The following ITIH5 variants were observed in gnomAD, a reference collection of about 807,000 sequenced individuals.
ITIH5 encodes inter-alpha-trypsin inhibitor heavy chain 5.
In ITIH5, 65 loss-of-function variants were observed where a neutral mutation model predicts 77.5. The ratio of observed to expected loss-of-function variants is 0.84; its 90% confidence interval spans 0.69 to 1.03. ITIH5 has a LOEUF of 1.03. ITIH5 is among the 50% of genes least tolerant of loss of function. The pLI is 0.00. For missense variants in ITIH5, 1,208 were observed against 1,213.1 expected (o/e 1.00, Z 0.06); for synonymous variants, 525 against 494.3 (o/e 1.06, Z -0.82).
At chr10:7,604,700 T>C (rs1194618430) in intron 7 of ITIH5, among the ~76,000 whole-genome samples, 1 of 152,208 alleles carries the variant, frequency 6.6e-6, no homozygotes, top group Non-Finnish European at 1.5e-5. Context: ...CCAAGAAAAT[T>C]GTATCCCATC....
intron 7 of ITIH5, among the ~76,000 whole-genome samples, chr10:7,591,226 T>G (rs957107383): frequency 6.6e-6 from 1 of 152,118 alleles, no homozygotes; most frequent in Non-Finnish European, 1.5e-5. Flanking sequence ...AAATCCTCAT[T>G]AAAATAAATG....
chr10:7,563,795 A>C (rs1197343580), intron 13 of ITIH5, among the ~76,000 whole-genome samples: 1 of 152,230 alleles, frequency 6.6e-6, no homozygotes, highest in Non-Finnish European at 1.5e-5. Flanking sequence ...GGTGGAAAGC[A>C]GTCAGCTCAG....
chr10:7,586,169 G>T, intron 7 of ITIH5, 100 bp from the exon 8 acceptor site: 3 of 1,113,702 alleles, frequency 2.7e-6, no homozygotes, highest in Non-Finnish European at 3.8e-6. Flanking sequence ...AAATGTCAGG[G>T]TTCAAATTCA....
chr10:7,575,582 G>T (rs1305298819), intron 10 of ITIH5, among the ~76,000 whole-genome samples: 1 of 152,112 alleles, frequency 6.6e-6, no homozygotes, highest in East Asian at 1.9e-4. Context: ...CCTTTCTCTT[G>T]TTCTCGTCTC....
intron 7 of ITIH5, among the ~76,000 whole-genome samples, chr10:7,591,765 C>T (rs971538308): frequency 2.6e-5 from 4 of 152,172 alleles, no homozygotes; most frequent in South Asian, 2.1e-4. Flanking sequence ...TCTCCTTTCA[C>T]GTTGATATAC....
intron 1 of ITIH5, among the ~76,000 whole-genome samples, chr10:7,656,681 G>T (rs1266623205): frequency 6.6e-6 from 1 of 151,866 alleles, no homozygotes; most frequent in Non-Finnish European, 1.5e-5. Context: ...CTTCCTTTCT[G>T]GAAGGCAGTT....
chr10:7,648,293 C>T (rs573766280), intron 2 of ITIH5, among the ~76,000 whole-genome samples: 20 of 150,792 alleles, frequency 1.3e-4, no homozygotes, highest in African/African-American at 3.2e-4. Flanking sequence ...CAAGCCTTTT[C>T]GCAGTGATTA....
At chr10:7,607,360 C>T (rs1833145668) in intron 7 of ITIH5, among the ~76,000 whole-genome samples, 1 of 152,176 alleles carries the variant, frequency 6.6e-6, no homozygotes, top group Non-Finnish European at 1.5e-5. Flanking sequence ...CAGAAACCAT[C>T]TGGGGGCCGG....
intron 1 of ITIH5, among the ~76,000 whole-genome samples, chr10:7,659,517 C>A (rs1023828750): frequency 8.5e-5 from 13 of 152,190 alleles, no homozygotes; most frequent in Non-Finnish European, 1.6e-4. Flanking sequence ...TCATCTCTTG[C>A]CCTTCCCTCC....
At position 7,635,646 on chromosome 10, in the gene ITIH5, C is replaced by T. The variant is rs368312404; in HGVS notation, c.652+1582G>A. Among the ~76,000 whole-genome samples, 27 of 152,270 alleles carry T rather than the reference C, an allele frequency of 1.8e-4. 1 individual carries two copies. The highest frequency in any genetic ancestry group is 6.2e-4 in the South Asian group (3 of 4,820). On this transcript the variant is annotated intron_variant, in intron 5 of 13. Coordinates refer to ENST00000397146, the MANE Select transcript of ITIH5 (RefSeq NM_030569.7). ...CTGGGTCTCTCGCAGAGCCAGGAAACGCTCAGTCTGTGAGAGTGAATGGCC... is the reference window on the plus strand; with the variant it reads ...CTGGGTCTCTCGCAGAGCCAGGAAATGCTCAGTCTGTGAGAGTGAATGGCC...
chr10:7,640,623 T>C (rs563249939), intron 4 of ITIH5, 131 bp downstream of exon 4: 1 of 627,824 alleles, frequency 1.6e-6, no homozygotes, highest in South Asian at 2.0e-5. Flanking sequence ...TAGATGTATT[T>C]ATATTTTGAT....
intron 7 of ITIH5, among the ~76,000 whole-genome samples, chr10:7,599,085 T>G (rs1832964502): frequency 6.6e-6 from 1 of 152,240 alleles, no homozygotes; most frequent in African/African-American, 2.4e-5. Flanking sequence ...CCAATAATAT[T>G]TCTGCTATTC....
At chr10:7,645,159 C>T (rs1250644476) in intron 2 of ITIH5, among the ~76,000 whole-genome samples, 5 of 151,654 alleles carry the variant, frequency 3.3e-5, no homozygotes, top group Non-Finnish European at 7.4e-5. Context: ...ACAAATGGAA[C>T]AGCTTAACGA....
At chr10:7,580,233 G>A (rs924440554) in intron 8 of ITIH5, among the ~76,000 whole-genome samples, 169 bp from the exon 9 acceptor site, 14 of 152,244 alleles carry the variant, frequency 9.2e-5, no homozygotes, top group African/African-American at 2.4e-4. Context: ...CGATTCTCCC[G>A]CCTCAGCCTC....
Position 7,590,404 on chromosome 10 carries a change from T to C in ITIH5, c.940-4335A>G, listed in dbSNP as rs988346666. On this transcript the variant is annotated intron_variant, in intron 7 of 13. Transcript: ENST00000397146. ...TTTGAAAGATCAGAAGAAAAACATA[T>C]ACAACTCACATCATCACGCCTACCT... is the stretch of plus-strand genomic sequence containing the variant. Among the ~76,000 whole-genome samples the C allele has an allele frequency of 8.5e-5, 13 of 152,334 alleles. No individual in the cohort carries two copies. In the South Asian group the frequency reaches 1.2e-3, roughly 15 times the overall value.
intron 8 of ITIH5, among the ~76,000 whole-genome samples, chr10:7,584,647 C>T (rs1832637129): frequency 6.6e-6 from 1 of 152,112 alleles, no homozygotes; most frequent in Admixed American, 6.6e-5. Context: ...GGCCCCCACT[C>T]CACCAGCACA....
intron 12 of ITIH5, among the ~76,000 whole-genome samples, chr10:7,567,058 G>A (rs1350823432): frequency 6.6e-6 from 1 of 151,872 alleles, no homozygotes; most frequent in Non-Finnish European, 1.5e-5. Flanking sequence ...CCAAGTGAGT[G>A]AACAAATGAG....
At chr10:7,579,288 G>A (rs1832488838) in intron 9 of ITIH5, among the ~76,000 whole-genome samples, 1 of 152,236 alleles carries the variant, frequency 6.6e-6, no homozygotes, top group African/African-American at 2.4e-5. Flanking sequence ...TACTTTGGGA[G>A]GCCAAGGCGG....
chr10:7,658,837 G>A (rs1272905747), intron 1 of ITIH5, among the ~76,000 whole-genome samples: 2 of 152,116 alleles, frequency 1.3e-5, no homozygotes, highest in African/African-American at 2.4e-5. Flanking sequence ...GGCATCGACT[G>A]TAAATGTTTC....
Sources: gnomAD v4.1 joint callset for allele counts (sites outside exome capture counted in the v4.1 genomes callset) on GRCh38, gnomAD v4.1.1 for gene constraint, MANE v1.5 for transcripts, NCBI Gene and HGNC (gene_info 2026-07-23, HGNC 2026-07-21) for gene names.